MITF: variants seen among roughly 807,000 people sequenced by gnomAD.
MITF encodes the protein microphthalmia-associated transcription factor.
In MITF, 17 loss-of-function variants were observed where a neutral mutation model predicts 60.5. The ratio of observed to expected loss-of-function variants is 0.28; its 90% CI spans 0.19 to 0.42. The LOEUF (loss-of-function observed/expected upper bound fraction) is 0.42, where lower values mean the gene tolerates loss of function less well. Ranked by LOEUF, MITF falls within the 10% of genes least tolerant of loss-of-function variation. The pLI is 1.00. For synonymous variants in MITF, 260 were observed against 248.5 expected (o/e 1.05, Z -0.43); for missense variants, 622 against 683.5 (o/e 0.91, Z 1.00).
At chr3:69,905,343 T>C (rs547087561) in intron 2 of MITF, among the ~76,000 whole-genome samples, 195 of 152,304 alleles carry the variant, frequency 1.3e-3, no homozygotes, top group African/African-American at 4.5e-3. Context: ...AACTGTATTC[T>C]TTTATATAGG....
intron 1 of MITF, among the ~76,000 whole-genome samples, chr3:69,873,486 T>G (rs540813631): frequency 2.0e-5 from 3 of 152,228 alleles, no homozygotes; most frequent in Admixed American, 6.5e-5. Flanking sequence ...AGATTCAACC[T>G]ATCAGTTCCT....
At chr3:69,860,597 CAAAAAAAAAAAAA>C (rs1039213953) in intron 1 of MITF, among the ~76,000 whole-genome samples, 1 of 60,774 alleles carries the variant, frequency 1.6e-5, no homozygotes, top group African/African-American at 6.9e-5. Flanking sequence ...GACTCCGTCT[CAAAAAAAAAAAAA>C]AAAAAAAAAA....
intron 1 of MITF, among the ~76,000 whole-genome samples, chr3:69,830,192 G>A (rs947808740): frequency 2.0e-5 from 3 of 152,092 alleles, no homozygotes; most frequent in African/African-American, 4.8e-5. Context: ...GACCCTCAAA[G>A]TCAAAGAATC....
At chr3:69,828,298 G>A (rs1357142089) in intron 1 of MITF, among the ~76,000 whole-genome samples, 1 of 152,156 alleles carries the variant, frequency 6.6e-6, no homozygotes, top group African/African-American at 2.4e-5. Flanking sequence ...GAAGATTAGT[G>A]AGCATCCTTC....
chr3:69,866,097 G>C (rs1387464807), intron 1 of MITF: 2 of 1,036,888 alleles, frequency 1.9e-6, no homozygotes, highest in Admixed American at 3.7e-5. Flanking sequence ...TGTCCTGCAG[G>C]TACAGTAGGT....
At chr3:69,808,152 A>AC (rs2063040947) in intron 1 of MITF, among the ~76,000 whole-genome samples, 1 of 148,400 alleles carries the variant, frequency 6.7e-6, no homozygotes, top group Non-Finnish European at 1.5e-5. Flanking sequence ...TATATATATA[A>AC]AATTAGAGTG....
chr3:69,839,662 CT>C (rs2063599676), intron 1 of MITF, among the ~76,000 whole-genome samples: 1 of 151,518 alleles, frequency 6.6e-6, no homozygotes, highest in Non-Finnish European at 1.5e-5. Flanking sequence ...CACAGCTATT[CT>C]GAATGGTAGT....
chr3:69,909,871 T>C (rs956620434), intron 2 of MITF, among the ~76,000 whole-genome samples: 7 of 152,330 alleles, frequency 4.6e-5, no homozygotes, highest in South Asian at 4.1e-4. Context: ...AGCCTGATGA[T>C]GCAGTAGAAA....
intron 1 of MITF, among the ~76,000 whole-genome samples, chr3:69,772,868 G>A (rs534028738): frequency 6.6e-5 from 10 of 152,228 alleles, no homozygotes; most frequent in Middle Eastern, 3.4e-3. Flanking sequence ...AAGTTGTCTA[G>A]GTATGAGGAA....
rs977948114 is a variant in MITF, at chr3:69,967,292, A to C, written c.*2044A>C. Reference sequence around the variant, plus strand: ...CCATTCTTTCAACCCCCTTAACTGTATAGCTCTTTTCCTAGAATAGTGACG... The same window carrying C: ...CCATTCTTTCAACCCCCTTAACTGTCTAGCTCTTTTCCTAGAATAGTGACG... On this transcript the variant is annotated 3_prime_UTR_variant, in exon 10 of 10. Coordinates refer to ENST00000352241, the MANE Select transcript of MITF (RefSeq NM_001354604.2). 1 of 232,142 alleles carries C rather than the reference A, an allele frequency of 4.3e-6. No homozygotes were observed. The highest frequency in any genetic ancestry group is 8.5e-6 in the Non-Finnish European group (1 of 117,182). The allele number at this position is 232,142 out of a possible 1,614,324, so 14.4% of individuals were successfully genotyped here. A position where few individuals can be genotyped will look rare whatever the true frequency, so the allele number is the denominator to read the frequency against.
chr3:69,937,398 G>GTGTA (rs1553701633), intron 2 of MITF, among the ~76,000 whole-genome samples: 18 of 151,284 alleles, frequency 1.2e-4, no homozygotes, highest in Non-Finnish European at 8.8e-5. Flanking sequence ...GTGTGTGTGT[G>GTGTA]TGTGTGTTTT....
At chr3:69,899,376 C>T (rs1240924288) in intron 2 of MITF, among the ~76,000 whole-genome samples, 1 of 152,170 alleles carries the variant, frequency 6.6e-6, no homozygotes, top group African/African-American at 2.4e-5. Context: ...GGACTTAATC[C>T]TTAAGACCAT....
chr3:69,880,904 A>G (rs558803946), intron 2 of MITF, among the ~76,000 whole-genome samples: 38 of 152,186 alleles, frequency 2.5e-4, no homozygotes, highest in Non-Finnish European at 4.3e-4. Context: ...AGTGGGTTAT[A>G]TCCAACTGAA....
chr3:69,850,258 T>C (rs993798150), intron 1 of MITF, among the ~76,000 whole-genome samples: 4 of 152,212 alleles, frequency 2.6e-5, no homozygotes, highest in African/African-American at 9.6e-5. Flanking sequence ...TGAGGTGATA[T>C]AGCCTGTGGC....
At chr3:69,912,887 C>G (rs887909193) in intron 2 of MITF, among the ~76,000 whole-genome samples, 1 of 152,092 alleles carries the variant, frequency 6.6e-6, no homozygotes, top group African/African-American at 2.4e-5. Context: ...GTTCATAATG[C>G]AAGAATATTC....
At chr3:69,782,895 C>A (rs1371330832) in intron 1 of MITF, among the ~76,000 whole-genome samples, 1 of 152,154 alleles carries the variant, frequency 6.6e-6, no homozygotes, top group African/African-American at 2.4e-5. Flanking sequence ...TTGTTTTGCA[C>A]ATGCCTCAGA....
chr3:69,812,779 G>A (rs915970557), intron 1 of MITF, among the ~76,000 whole-genome samples: 3 of 152,054 alleles, frequency 2.0e-5, no homozygotes, highest in Admixed American at 6.5e-5. Context: ...GCATGTAAAC[G>A]ATTTGGTTGG....
chr3:69,947,221 G>A (rs913257216), intron 5 of MITF, among the ~76,000 whole-genome samples: 1 of 152,078 alleles, frequency 6.6e-6, no homozygotes, highest in Non-Finnish European at 1.5e-5. Context: ...TTATTGCTTT[G>A]AATTTTCAAG....
chr3:69,842,555 C>G (rs1353178195), intron 1 of MITF, among the ~76,000 whole-genome samples: 1 of 152,124 alleles, frequency 6.6e-6, no homozygotes, highest in Non-Finnish European at 1.5e-5. Context: ...GCATAACACT[C>G]TTAGTAAACG....
Sources: allele counts gnomAD v4.1 joint callset (sites outside exome capture counted in the v4.1 genomes callset), GRCh38; gene constraint gnomAD v4.1.1; transcripts MANE v1.5; gene names NCBI Gene and HGNC (gene_info 2026-07-23, HGNC 2026-07-21).